Variants in PGAP6 observed in about 807,000 individuals in gnomAD.
PGAP6 encodes the protein post-GPI attachment to proteins 6.
In PGAP6, 62 loss-of-function variants were observed where a neutral mutation model predicts 68.4. The observed-to-expected ratio is 0.91, with a 90% CI of 0.74 to 1.12. PGAP6 has a LOEUF of 1.12. PGAP6 is among the 50% of genes most tolerant of loss of function. The probability of loss-of-function intolerance (pLI) is 0.00; values close to 1 mark genes in which losing one functional copy is unlikely to be tolerated. For synonymous variants in PGAP6, 575 were observed against 474.0 expected (o/e 1.21, Z -2.77); for missense variants, 1,188 against 1,068.5 (o/e 1.11, Z -1.56).
chr16:385,665 C>T (rs1372693547), upstream of PGAP6, among the ~76,000 whole-genome samples: 1 of 118,070 alleles, frequency 8.5e-6, no homozygotes, highest in Non-Finnish European at 1.7e-5. Context: ...CGCTCTGTCG[C>T]CCAGGCTGGA....
chr16:383,822 G>T (rs2054464386), upstream of PGAP6, among the ~76,000 whole-genome samples: 1 of 146,914 alleles, frequency 6.8e-6, no homozygotes, highest in African/African-American at 2.5e-5. Flanking sequence ...TGTACCTTTT[G>T]AACGCCGCAG....
chr16:375,225 G>A lies in PGAP6; in HGVS notation c.1347C>T (p.Ser449=), dbSNP rs547389411. The A allele has an allele frequency of 1.1e-5, 17 of 1,613,122 alleles. No homozygotes were observed. Among genetic ancestry groups the A allele is most frequent in the Admixed American group, 6.7e-5 (4 of 60,004 alleles). The change falls in exon 8 of 13, where the codon AGC becomes AGT. Residue 449 remains serine, a synonymous_variant. Coordinates refer to ENST00000431232, the MANE Select transcript of PGAP6 (RefSeq NM_021259.3). The part of the protein sequence containing the change: ...AFFQGYPLSL[S]AWSRRANLII... ...TGAGGTTGGCCCTGCGAGACCAGGC[G>A]CTCAGAGACAAAGGGTAGCCCTGGA...
At position 376,736 on chromosome 16, in the gene PGAP6, G is replaced by C; in HGVS notation, c.712C>G (p.Pro238Ala). The C allele has an allele frequency of 6.2e-7, 1 of 1,611,590 alleles. No individual in the cohort carries two copies. Among genetic ancestry groups the C allele is most frequent in the Middle Eastern group, 1.8e-4 (1 of 5,532 alleles). ...DCVSNGSLGC[P>A]VRLTVGPVTL... Reference sequence around the variant, plus strand: ...ACCGGGCCCACGGTGAGACGCACGGGGCAGCCCAGGCTCCCATTGGACACG... The same window carrying C: ...ACCGGGCCCACGGTGAGACGCACGGCGCAGCCCAGGCTCCCATTGGACACG... The change falls in exon 5 of 13, where the codon CCC (proline) becomes GCC (alanine). Residue 238 changes from proline to alanine, a missense_variant. Pro to Ala is a conservative substitution (Grantham distance 27, BLOSUM62 -1). Transcript: ENST00000431232.
chr16:383,720 G>A (rs2054463544), upstream of PGAP6, among the ~76,000 whole-genome samples: 1 of 152,254 alleles, frequency 6.6e-6, no homozygotes. Flanking sequence ...GGCATCGAAT[G>A]TCTGGAATGA....
chr16:379,471 G>A (rs2054420590), intron 1 of PGAP6, among the ~76,000 whole-genome samples: 1 of 152,244 alleles, frequency 6.6e-6, no homozygotes, highest in South Asian at 2.1e-4. Flanking sequence ...CCACCCACCA[G>A]GCTGTGGCCT....
chr16:374,129 G>A lies in PGAP6; in HGVS notation c.1778C>T (p.Pro593Leu). 2 of 1,611,208 alleles carry A rather than the reference G, an allele frequency of 1.2e-6. No homozygotes were observed. Among genetic ancestry groups the A allele is most frequent in the South Asian group, 1.1e-5 (1 of 91,088 alleles). ...GAGGATGCACAGCACCGCCTCCCCG[G>A]GCTGGTCGCAGGCGTGGTAGAACTG... is the stretch of plus-strand genomic sequence containing the variant. The part of the protein sequence containing the change: ...FSTFYHACDQ[P>L]GEAVLCILSY... The change falls in exon 11 of 13, where the codon CCC becomes CTC. Residue 593 changes from proline to leucine, a missense_variant. By Grantham distance (98) the Pro-to-Leu change is moderately conservative. Coordinates refer to ENST00000431232, the MANE Select transcript of PGAP6 (RefSeq NM_021259.3).
chr16:377,222 T>C (rs1440493294), intron 3 of PGAP6, 58 bp from the exon 4 acceptor site: 12 of 1,608,962 alleles, frequency 7.5e-6, no homozygotes, highest in East Asian at 2.2e-5. Flanking sequence ...TGTGAGGGCA[T>C]GGTCTCACCA....
chr16:371,822 G>A lies in PGAP6; in HGVS notation c.*165C>T. 1 of 670,016 alleles carries A rather than the reference G, an allele frequency of 1.5e-6. No homozygotes were observed. Among genetic ancestry groups the A allele is most frequent in the Non-Finnish European group, 2.5e-6 (1 of 401,134 alleles). The allele number at this position is 670,016 out of a possible 1,614,324, so 41.5% of individuals were successfully genotyped here. On this transcript the variant is annotated 3_prime_UTR_variant, in exon 13 of 13. Coordinates refer to ENST00000431232, the MANE Select transcript of PGAP6 (RefSeq NM_021259.3). ...AGGCAGCTGGCGAGGAGAGGTGCGT[G>A]TGAGGGAGGGGTGGCCCTCTCCTCA...
At position 375,144 on chromosome 16, in the gene PGAP6, A is replaced by G; in HGVS notation, c.1428T>C (p.Pro476=). The G allele has an allele frequency of 6.2e-7, 1 of 1,613,318 alleles. No homozygotes were observed. The highest frequency in any genetic ancestry group is 8.5e-7 in the Non-Finnish European group (1 of 1,179,964). Residue 476 remains proline, a synonymous_variant, in exon 8 of 13, where the codon CCT becomes CCC. Coordinates refer to ENST00000431232, the MANE Select transcript of PGAP6 (RefSeq NM_021259.3). Reference sequence around the variant, plus strand: ...CTAGGTTTACTTACTCAGCATTCTCAGGGCACATGAGCTGCAGGGAGAGGT... The same window carrying G: ...CTAGGTTTACTTACTCAGCATTCTCGGGGCACATGAGCTGCAGGGAGAGGT... ...NWYLSLQLMC[P]ENAEDCEQAV...
intron 1 of PGAP6, among the ~76,000 whole-genome samples, chr16:379,575 G>A (rs913195553): frequency 2.6e-5 from 4 of 152,238 alleles, no homozygotes; most frequent in Non-Finnish European, 5.9e-5. Context: ...CCTCTGCGGG[G>A]GCAGGCAGGG....
At chr16:378,325 G>A (rs1426813624) in intron 1 of PGAP6, among the ~76,000 whole-genome samples, 1 of 109,218 alleles carries the variant, frequency 9.2e-6, no homozygotes, top group Admixed American at 9.1e-5. Context: ...CACTGCCATC[G>A]CCACCCGCAC....
chr16:374,397 AGCCTGCG>A lies in PGAP6; in HGVS notation c.1577-5_1578del. 6.4e-7 allele frequency: 1 copy of A among 1,567,394 alleles called. No individual in the cohort carries two copies. The highest frequency in any genetic ancestry group is 8.6e-7 in the Non-Finnish European group (1 of 1,161,188). The stretch of plus-strand genomic sequence containing the variant: ...TTGTCCGTGCAGCTCCACCCACGCC[AGCCTGCG>A]GTCACAAAACCCCGACGCGGAGGCT... On this transcript the variant is annotated splice_acceptor_variant and splice_polypyrimidine_tract_variant and coding_sequence_variant and intron_variant, in exon 10 of 13. Transcript: ENST00000431232. LOFTEE classifies it high-confidence loss of function.
chr16:376,950 C>T, intron 4 of PGAP6, 87 bp downstream of exon 4: 1 of 1,574,792 alleles, frequency 6.4e-7, no homozygotes. Context: ...AACCCCAGGA[C>T]TCAGGGCCAG....
At position 374,048 on chromosome 16, in the gene PGAP6, AC is replaced by A; in HGVS notation, c.1858del (p.Val620SerfsTer13). The A allele has an allele frequency of 6.2e-7, 1 of 1,611,806 alleles. No individual in the cohort carries two copies. ...GAGCCGTGCCATGCACAGGATGGTGACCCAGATGGCCGCCCCGGAGCCCAAG... is the reference window on the plus strand; with the variant it reads ...GAGCCGTGCCATGCACAGGATGGTGACCAGATGGCCGCCCCGGAGCCCAAG... ...DFLGSGAAIW[V>X]TILCMARLKT... On this transcript the variant is annotated frameshift_variant, in exon 11 of 13. Coordinates refer to ENST00000431232, the MANE Select transcript of PGAP6 (RefSeq NM_021259.3). LOFTEE classifies it high-confidence loss of function.
Position 375,429 on chromosome 16 carries a change from T to A in PGAP6, c.1231A>T (p.Met411Leu). ...TISLRANKTE[M>L]RNETVVVACV... ...GCCACTACGACGGTCTCGTTCCGCA[T>A]CTCTGTCTGGAAAGGGAGGCGGTGC... is the stretch of plus-strand genomic sequence containing the variant. Residue 411 changes from methionine (M) to leucine (L), a missense_variant, in exon 7 of 13, where the codon ATG becomes TTG. Met to Leu is a conservative substitution (Grantham distance 15, BLOSUM62 2). Coordinates refer to ENST00000431232, the MANE Select transcript of PGAP6 (RefSeq NM_021259.3). The A allele has an allele frequency of 1.2e-6, 2 of 1,612,090 alleles. No homozygotes were observed.
rs770553847 is a variant in PGAP6 at position 374,380 on chromosome 16, G to A, written c.1596C>T (p.Cys532=). 5 of 1,584,788 alleles carry A rather than the reference G, an allele frequency of 3.2e-6. No individual in the cohort carries two copies. Among genetic ancestry groups the A allele is most frequent in the Non-Finnish European group, 4.3e-6 (5 of 1,170,132 alleles). The change falls in exon 10 of 13, where the codon TGC becomes TGT. Residue 532 remains cysteine (C), a synonymous_variant. Transcript: ENST00000431232. ...SCKAGWRGWS[C]TDNSTAQTVA... ...CCGTCTGGGCTGTGCTGTTGTCCGT[G>A]CAGCTCCACCCACGCCAGCCTGCGG... is the stretch of plus-strand genomic sequence containing the variant.
chr16:379,735 G>A (rs1182114643), intron 1 of PGAP6, among the ~76,000 whole-genome samples: 1 of 152,210 alleles, frequency 6.6e-6, no homozygotes, highest in Non-Finnish European at 1.5e-5. Flanking sequence ...TCTGTTCAAG[G>A]TTGTCCTAAC....
At chr16:382,108 T>TG (rs1382907855), upstream of PGAP6, 1 of 205,566 alleles carries the variant, frequency 4.9e-6, no homozygotes, top group Non-Finnish European at 8.7e-6. Context: ...AGGGGTCACG[T>TG]GGGGCGCGCG....
Position 372,788 on chromosome 16 carries a change from C to A in PGAP6, c.1903-61G>T, listed in dbSNP as rs79047946. On this transcript the variant is annotated intron_variant, in intron 11 of 12. Transcript: ENST00000431232. ...CTGAGGGCTCAAGGCCCAGCAGGAGCACGCGTACCCCACGGCCCCACAGCA... is the reference window on the plus strand; with the variant it reads ...CTGAGGGCTCAAGGCCCAGCAGGAGAACGCGTACCCCACGGCCCCACAGCA... 2.4e-6 allele frequency: 3 copies of A among 1,243,776 alleles called. No individual in the cohort carries two copies. The East Asian group carries it at 7.1e-5, about 29-fold the overall frequency. The allele number at this position is 1,243,776 out of a possible 1,614,324, so 77.0% of individuals were successfully genotyped here. A position where few individuals can be genotyped will look rare whatever the true frequency, so the allele number is the denominator to read the frequency against.
Sources: gnomAD v4.1 joint callset for allele counts (sites outside exome capture counted in the v4.1 genomes callset) on GRCh38, gnomAD v4.1.1 for gene constraint, MANE v1.5 for transcripts, NCBI Gene and HGNC (gene_info 2026-07-23, HGNC 2026-07-21) for gene names.